The following R3HDM2 variants were observed in gnomAD, a reference collection of about 807,000 sequenced individuals.
The protein encoded by R3HDM2 is R3H domain-containing protein 2.
A neutral mutation model predicts 124.5 loss-of-function variants in R3HDM2; 38 were observed. The ratio of observed to expected loss-of-function variants is 0.31; its 90% CI spans 0.24 to 0.40. R3HDM2 has a LOEUF of 0.40. Ranked by LOEUF, R3HDM2 falls within the 10% of genes least tolerant of loss-of-function variation. The pLI is 1.00. For missense variants in R3HDM2, 869 were observed against 1,236.9 expected, an observed-to-expected ratio of 0.70 and a Z score of 4.46; for synonymous variants, 391 against 448.0, an observed-to-expected ratio of 0.87 and a Z score of 1.61.
intron 1 of R3HDM2, among the ~76,000 whole-genome samples, chr12:57,413,839 T>TCC (rs1287369914): frequency 1.5e-4 from 16 of 103,536 alleles, no homozygotes; most frequent in African/African-American, 4.5e-4. Flanking sequence ...AGATCTGTAA[T>TCC]CCCCCCCCTT....
intron 14 of R3HDM2, among the ~76,000 whole-genome samples, chr12:57,273,225 C>T (rs904943295): frequency 2.0e-5 from 3 of 152,260 alleles, no homozygotes; most frequent in Non-Finnish European, 2.9e-5. Context: ...CCTCCACCCC[C>T]CAAGCAAACA....
intron 13 of R3HDM2, among the ~76,000 whole-genome samples, chr12:57,282,160 A>C (rs974182951): frequency 6.6e-6 from 1 of 151,996 alleles, no homozygotes; most frequent in East Asian, 1.9e-4. Flanking sequence ...AAATACAAAA[A>C]ATTAGCCGGC....
chr12:57,364,972 A>G (rs1228504918), intron 2 of R3HDM2, among the ~76,000 whole-genome samples: 3 of 146,378 alleles, frequency 2.0e-5, no homozygotes. Context: ...AAAAAAAAAA[A>G]GGACACCAGG....
intron 1 of R3HDM2, among the ~76,000 whole-genome samples, chr12:57,398,132 G>C (rs1286195476): frequency 6.6e-6 from 1 of 151,626 alleles, no homozygotes; most frequent in Non-Finnish European, 1.5e-5. Flanking sequence ...AGGGGAGAGG[G>C]GCAGAGGTTG....
intron 1 of R3HDM2, among the ~76,000 whole-genome samples, chr12:57,410,517 T>C (rs2068916906): frequency 6.6e-6 from 1 of 152,138 alleles, no homozygotes; most frequent in Admixed American, 6.6e-5. Flanking sequence ...ATGTATTGCC[T>C]CATCCATCCA....
In R3HDM2 at chr12:57,421,246, G is replaced by A. The variant is rs938713716; in HGVS notation, c.-106+9474C>T. 2.1e-5 allele frequency among the ~76,000 whole-genome samples: 3 copies of A among 142,054 alleles called. No individual in the cohort carries two copies. In the Admixed American group the frequency reaches 2.3e-4, roughly 11 times the overall value. 93.2% of individuals were successfully genotyped at this position (142,054 alleles called of 152,430 possible). A position where few individuals can be genotyped will look rare whatever the true frequency, so the allele number is the denominator to read the frequency against. ...GGCTCACAGCAACCTCCGCCTACTA[G>A]ATTCAAGCAATTCTCCTGCCTCAGC... On this transcript the variant is annotated intron_variant, in intron 1 of 23. Transcript: ENST00000402412.
At chr12:57,426,926 A>C (rs1388921366) in intron 1 of R3HDM2, among the ~76,000 whole-genome samples, 7 of 152,336 alleles carry the variant, frequency 4.6e-5, no homozygotes, top group Admixed American at 3.3e-4. Context: ...TTACCTACTC[A>C]GTCAATAAAT....
chr12:57,423,830 AAAG>A (rs2070443373), intron 1 of R3HDM2, among the ~76,000 whole-genome samples: 1 of 147,400 alleles, frequency 6.8e-6, no homozygotes, highest in Non-Finnish European at 1.5e-5. Flanking sequence ...AAAAAAAAAA[AAAG>A]GCCAGGTGCA....
At chr12:57,419,480 T>C (rs2069980588) in intron 1 of R3HDM2, among the ~76,000 whole-genome samples, 2 of 151,694 alleles carry the variant, frequency 1.3e-5, no homozygotes, top group Admixed American at 1.3e-4. Context: ...CTCACTCTGT[T>C]GACCAGCCTG....
At chr12:57,368,881 T>C (rs2062983589) in intron 2 of R3HDM2, among the ~76,000 whole-genome samples, 1 of 152,048 alleles carries the variant, frequency 6.6e-6, no homozygotes, top group Non-Finnish European at 1.5e-5. Context: ...AACTCTGCAG[T>C]TCCAAAAGTG....
At chr12:57,355,456 C>CAAAAAAAAAAA (rs1275868390) in intron 2 of R3HDM2, among the ~76,000 whole-genome samples, 1 of 51,164 alleles carries the variant, frequency 2.0e-5, no homozygotes, top group African/African-American at 7.2e-5. Context: ...GAGACTGTCT[C>CAAAAAAAAAAA]AAAAAAAAAA....
chr12:57,424,941 C>T (rs974289214), intron 1 of R3HDM2, among the ~76,000 whole-genome samples: 3 of 152,176 alleles, frequency 2.0e-5, no homozygotes, highest in Admixed American at 2.0e-4. Flanking sequence ...GCCTGGGCAA[C>T]AAAGTGAGAC....
chr12:57,277,988 G>A (rs1239533645), intron 14 of R3HDM2, among the ~76,000 whole-genome samples: 1 of 152,270 alleles, frequency 6.6e-6, no homozygotes, highest in East Asian at 1.9e-4. Flanking sequence ...TAAAGAGGAA[G>A]GGTGAAAAAG....
At chr12:57,416,381 C>T (rs964281990) in intron 1 of R3HDM2, among the ~76,000 whole-genome samples, 1 of 152,162 alleles carries the variant, frequency 6.6e-6, no homozygotes, top group South Asian at 2.1e-4. Context: ...CATTCCTCTA[C>T]CTTTCCTATA....
At chr12:57,352,020 T>C (rs1320741225) in intron 2 of R3HDM2, among the ~76,000 whole-genome samples, 2 of 152,154 alleles carry the variant, frequency 1.3e-5, no homozygotes, top group Non-Finnish European at 2.9e-5. Flanking sequence ...ACCAAACATT[T>C]AGCATTTAAA....
intron 2 of R3HDM2, among the ~76,000 whole-genome samples, chr12:57,364,074 T>C (rs879273376): frequency 1.1e-4 from 16 of 152,106 alleles, no homozygotes; most frequent in Non-Finnish European, 2.2e-4. Context: ...AATAAAAAGT[T>C]TGCTGTAATT....
chr12:57,260,926 T>A (rs1271230040), intron 19 of R3HDM2, among the ~76,000 whole-genome samples: 2 of 152,136 alleles, frequency 1.3e-5, no homozygotes, highest in African/African-American at 4.8e-5. Flanking sequence ...ACAGCATCTG[T>A]CATATCATAT....
Position 57,333,862 on chromosome 12 carries a change from G to A in R3HDM2, c.-35-23399C>T, listed in dbSNP as rs562262459. Reference sequence around the variant, plus strand: ...TCGAGACCAGCCTGGCTAACGTGGCGAAACCCCATCTCTACTAAAAATACA... The same window carrying A: ...TCGAGACCAGCCTGGCTAACGTGGCAAAACCCCATCTCTACTAAAAATACA... On this transcript the variant is annotated intron_variant, in intron 2 of 23. Coordinates refer to ENST00000402412, the MANE Select transcript of R3HDM2 (RefSeq NM_001394031.1). Among the ~76,000 whole-genome samples the A allele has an allele frequency of 7.5e-4, 114 of 151,788 alleles. 1 individual carries two copies. The highest frequency in any genetic ancestry group is 6.6e-3 in the Admixed American group (101 of 15,230).
chr12:57,370,359 A>G (rs2063169417), intron 2 of R3HDM2, among the ~76,000 whole-genome samples: 1 of 141,752 alleles, frequency 7.1e-6, no homozygotes, highest in South Asian at 2.2e-4. Context: ...TACTGGGCAC[A>G]GTGGCTCATG....
Sources: allele counts gnomAD v4.1 joint callset (sites outside exome capture counted in the v4.1 genomes callset), GRCh38; gene constraint gnomAD v4.1.1; transcripts MANE v1.5; gene names NCBI Gene and HGNC (gene_info 2026-07-23, HGNC 2026-07-21).